The following KLHL29 variants were observed in gnomAD, a reference collection of about 807,000 sequenced individuals.
The protein encoded by KLHL29 is kelch-like protein 29.
Under a neutral mutation model 80.4 loss-of-function variants are expected in KLHL29, and 21 were observed. The observed-to-expected ratio is 0.26, with a 90% CI of 0.19 to 0.38. The LOEUF is 0.38. Among genes scored for constraint, KLHL29 ranks in the 10% least tolerant of loss-of-function variants. The pLI, the probability that KLHL29 is intolerant of heterozygous loss-of-function variation, is 1.00. For synonymous variants in KLHL29, 511 were observed against 526.8 expected (o/e 0.97, Z 0.41); for missense variants, 867 against 1,223.9 (o/e 0.71, Z 4.35).
At position 23,691,875 on chromosome 2, in the gene KLHL29, C is replaced by A; in HGVS notation, c.1281C>A (p.Leu427=). 6.5e-7 allele frequency: 1 copy of A among 1,548,424 alleles called. No individual in the cohort carries two copies. The part of the protein sequence containing the change: ...HTFCKVCVSF[L]EKQLTASNCL... ...TCTGCAAAGTCTGCGTGTCCTTTCTCGGTGAGCCCGGGGGCCACATATGTC... is the reference window on the plus strand; with the variant it reads ...TCTGCAAAGTCTGCGTGTCCTTTCTAGGTGAGCCCGGGGGCCACATATGTC... The change falls in exon 7 of 14, where the codon CTC becomes CTA. Residue 427 remains leucine (L), a splice_region_variant and synonymous_variant. Transcript: ENST00000486442.
intron 1 of KLHL29, among the ~76,000 whole-genome samples, chr2:23,422,964 T>A (rs1662865380): frequency 6.6e-6 from 1 of 152,230 alleles, no homozygotes; most frequent in African/African-American, 2.4e-5. Flanking sequence ...CAGCAAGCCA[T>A]TTATGCCCCT....
At chr2:23,602,280 C>T (rs547351991) in intron 3 of KLHL29, among the ~76,000 whole-genome samples, 2 of 152,328 alleles carry the variant, frequency 1.3e-5, no homozygotes, top group South Asian at 4.1e-4. Context: ...CGTCCCAGCA[C>T]CCCCCTGCCC....
intron 5 of KLHL29, among the ~76,000 whole-genome samples, chr2:23,664,567 C>T (rs1991083): frequency 0.62 from 94,928 of 152,066 alleles, 31,499 homozygotes; most frequent in East Asian, 0.93. Flanking sequence ...GGCCAGGAGG[C>T]GGGGATAGAT....
intron 3 of KLHL29, among the ~76,000 whole-genome samples, chr2:23,618,761 A>G (rs1488667892): frequency 6.6e-6 from 1 of 152,204 alleles, no homozygotes; most frequent in African/African-American, 2.4e-5. Context: ...CCTGGCTGAT[A>G]TAGAAGGCAT....
At chr2:23,504,047 C>T (rs1169025513) in intron 2 of KLHL29, among the ~76,000 whole-genome samples, 1 of 152,108 alleles carries the variant, frequency 6.6e-6, no homozygotes, top group African/African-American at 2.4e-5. Flanking sequence ...AGTGTCTGGA[C>T]ATCCTACTGG....
chr2:23,677,038 G>A (rs951319745), intron 5 of KLHL29, among the ~76,000 whole-genome samples: 6 of 152,206 alleles, frequency 3.9e-5, no homozygotes, highest in Non-Finnish European at 5.9e-5. Flanking sequence ...TAAGGGACAG[G>A]GGCACAAACC....
intron 1 of KLHL29, among the ~76,000 whole-genome samples, chr2:23,391,079 C>T (rs933513940): frequency 1.3e-5 from 2 of 152,238 alleles, no homozygotes; most frequent in African/African-American, 4.8e-5. Context: ...CAGCCCCTGG[C>T]ATCCGCCATT....
intron 5 of KLHL29, among the ~76,000 whole-genome samples, chr2:23,656,949 A>C (rs937306597): frequency 3.3e-5 from 5 of 152,038 alleles, no homozygotes; most frequent in Admixed American, 2.6e-4. Context: ...AAAAAAAAAA[A>C]AAACTGGTTT....
At chr2:23,424,298 G>A (rs1016304306) in intron 1 of KLHL29, among the ~76,000 whole-genome samples, 2 of 152,192 alleles carry the variant, frequency 1.3e-5, no homozygotes, top group Non-Finnish European at 2.9e-5. Flanking sequence ...GTGTGTGCGT[G>A]GGCGGGTGCA....
intron 2 of KLHL29, among the ~76,000 whole-genome samples, chr2:23,516,927 T>C: frequency 6.6e-6 from 1 of 152,224 alleles, no homozygotes; most frequent in East Asian, 1.9e-4. Context: ...CGCCAGCCCA[T>C]GTCTCTGAAG....
At chr2:23,469,602 C>G (rs553781486) in intron 1 of KLHL29, among the ~76,000 whole-genome samples, 48 of 152,170 alleles carry the variant, frequency 3.2e-4, no homozygotes, top group African/African-American at 1.1e-3. Context: ...GAAGCAGTGT[C>G]TGATTTTTTT....
intron 3 of KLHL29, among the ~76,000 whole-genome samples, chr2:23,572,777 T>C (rs1207403528): frequency 6.6e-6 from 1 of 151,210 alleles, no homozygotes; most frequent in Non-Finnish European, 1.5e-5. Context: ...CTCAGCTCAC[T>C]GCAAGCTCTG....
chr2:23,642,260 G>T, intron 4 of KLHL29, 78 bp from the exon 5 acceptor site: 1 of 1,324,970 alleles, frequency 7.5e-7, no homozygotes, highest in Non-Finnish European at 9.9e-7. Context: ...CTAGCACCCA[G>T]TGCAGGGCCG....
intron 3 of KLHL29, among the ~76,000 whole-genome samples, chr2:23,626,986 A>G (rs1669325219): frequency 6.6e-6 from 1 of 152,196 alleles, no homozygotes; most frequent in Non-Finnish European, 1.5e-5. Flanking sequence ...AGAGAAGACC[A>G]GAGCCTCATG....
intron 1 of KLHL29, among the ~76,000 whole-genome samples, chr2:23,426,866 G>T (rs1050311673): frequency 6.6e-6 from 1 of 152,192 alleles, no homozygotes; most frequent in African/African-American, 2.4e-5. Context: ...TGCCATGAGG[G>T]TGAAGTACAC....
intron 1 of KLHL29, among the ~76,000 whole-genome samples, chr2:23,463,695 A>G (rs977561186): frequency 6.6e-6 from 1 of 152,202 alleles, no homozygotes; most frequent in Non-Finnish European, 1.5e-5. Flanking sequence ...TCCAAACACA[A>G]GGAGCCGTAA....
intron 1 of KLHL29, among the ~76,000 whole-genome samples, chr2:23,441,991 T>C (rs972848683): frequency 2.6e-5 from 4 of 152,198 alleles, no homozygotes; most frequent in African/African-American, 7.2e-5. Flanking sequence ...GAGTATGTTA[T>C]CTTACATGGC....
rs147651512 is a variant in KLHL29 at position 23,524,999 on chromosome 2, A to T, written c.-45-37153A>T. Among the ~76,000 whole-genome samples, 867 of 152,356 alleles carry T rather than the reference A, an allele frequency of 5.7e-3. 11 individuals are homozygous for T. Among genetic ancestry groups the T allele is most frequent in the African/African-American group, 0.019 (802 of 41,586 alleles). On this transcript the variant is annotated intron_variant, in intron 2 of 13. Coordinates refer to ENST00000486442, the MANE Select transcript of KLHL29 (RefSeq NM_052920.2). ...TTAGTGATCTCTAAAATGTGCTGAC[A>T]TTCTGGCTCGTAAGAATACATACTG...
At chr2:23,618,060 C>A (rs1461872589) in intron 3 of KLHL29, 1 of 152,168 alleles carries the variant, frequency 6.6e-6, no homozygotes, top group Non-Finnish European at 1.5e-5. Context: ...GCAGACACCG[C>A]ATCTCCTGGG....
Sources: allele counts gnomAD v4.1 joint callset (sites outside exome capture counted in the v4.1 genomes callset), GRCh38; gene constraint gnomAD v4.1.1; transcripts MANE v1.5; gene names NCBI Gene and HGNC (gene_info 2026-07-23, HGNC 2026-07-21).